Variants in ACAN observed in about 807,000 individuals in gnomAD.
The protein encoded by ACAN is aggrecan.
A neutral mutation model predicts 169.1 loss-of-function variants in ACAN; 47 were observed. The ratio of observed to expected loss-of-function variants is 0.28; its 90% CI spans 0.22 to 0.35. The LOEUF is 0.35. Ranked by LOEUF, ACAN falls within the 10% of genes least tolerant of loss-of-function variation. The pLI, the probability that ACAN is intolerant of heterozygous loss-of-function variation, is 1.00. For synonymous variants in ACAN, 1,115 were observed against 1,112.2 expected, an observed-to-expected ratio of 1.00 and a Z score of -0.05; for missense variants, 2,716 against 2,759.9, an observed-to-expected ratio of 0.98 and a Z score of 0.36.
chr15:88,809,285 G>A (rs1895762260), intron 1 of ACAN, among the ~76,000 whole-genome samples: 1 of 152,150 alleles, frequency 6.6e-6, no homozygotes, highest in Admixed American at 6.5e-5. Context: ...CCTCCAGTGT[G>A]TGTGGTGGGA....
At chr15:88,818,375 G>T (rs1895993393) in intron 1 of ACAN, among the ~76,000 whole-genome samples, 1 of 152,194 alleles carries the variant, frequency 6.6e-6, no homozygotes. Flanking sequence ...GCAATGCAGT[G>T]GTGTGCCATT....
rs749228410 is a variant in ACAN, at chr15:88,871,482, G to A, written c.7161G>A (p.Arg2387=). 6.8e-6 allele frequency: 11 copies of A among 1,613,738 alleles called. No homozygotes were observed. In the East Asian group the frequency reaches 1.1e-4, roughly 16 times the overall value. Residue 2387 remains arginine (R), a synonymous_variant, in exon 15 of 19, where the codon CGG becomes CGA. Transcript: ENST00000560601. The surrounding 1 kb of genome is among the most constrained non-coding windows in gnomAD (Gnocchi z 7.8). ...ETWVDAERRC[R]EQQSHLSSIV... ...GGGTGGATGCTGAGCGCCGGTGTCGGGAGCAGCAGTCACACCTGAGCAGCA... is the reference window on the plus strand; with the variant it reads ...GGGTGGATGCTGAGCGCCGGTGTCGAGAGCAGCAGTCACACCTGAGCAGCA...
rs1038288640 is a variant in ACAN at position 88,861,367 on chromosome 15, A to G, written c.6946+928A>G. 5.9e-5 allele frequency among the ~76,000 whole-genome samples: 9 copies of G among 152,144 alleles called. No homozygotes were observed. Among genetic ancestry groups the G allele is most frequent in the African/African-American group, 1.4e-4 (6 of 41,428 alleles). On this transcript the variant is annotated intron_variant, in intron 13 of 18. Transcript: ENST00000560601. This position sits in a 1 kb window ranked among gnomAD's most constrained non-coding sequence, Gnocchi z 6.3. ...AAAAACGAATCCTGGAGAAAAAACAATCACTTCCACGTAAACCTCATGTCG... is the reference window on the plus strand; with the variant it reads ...AAAAACGAATCCTGGAGAAAAAACAGTCACTTCCACGTAAACCTCATGTCG...
intron 13 of ACAN, among the ~76,000 whole-genome samples, chr15:88,863,085 T>C (rs771294915): frequency 5.3e-5 from 8 of 151,472 alleles, no homozygotes; most frequent in Admixed American, 2.0e-4. Flanking sequence ...ATTCCTGCAG[T>C]AATATTTGAA....
At position 88,855,260 on chromosome 15, in the gene ACAN, G is replaced by A. The variant is rs1897025687; in HGVS notation, c.2675G>A (p.Ser892Asn). 2 of 1,607,940 alleles carry A rather than the reference G, an allele frequency of 1.2e-6. No homozygotes were observed. The highest frequency in any genetic ancestry group is 2.7e-5 in the African/African-American group (2 of 74,798). Residue 892 changes from serine (S) to asparagine (N), a missense_variant, in exon 12 of 19, where the codon AGT (serine) becomes AAT (asparagine). Physicochemically the swap from Ser to Asn is conservative, Grantham distance 46. Around this residue, in one of 3 missense-constraint regions of ACAN, gnomAD observed 1,283 missense variants for 1,281.5 expected, o/e 1.00. Coordinates refer to ENST00000560601, the MANE Select transcript of ACAN (RefSeq NM_001369268.1). ...GGGCAGCTGTCAGGGGACAGGGCAA[G>A]TGGACTGCCCTCTGGAGACCTGGAC... is the stretch of plus-strand genomic sequence containing the variant. ...FSGQLSGDRASGLPSGDLDSS... is the reference protein window; with the variant it reads ...FSGQLSGDRANGLPSGDLDSS...
At position 88,868,102 on chromosome 15, in the gene ACAN, T is replaced by A. The variant is rs1236715631; in HGVS notation, c.6947-114T>A. On this transcript the variant is annotated intron_variant, in intron 13 of 18. Transcript: ENST00000560601. The surrounding 1 kb of genome is among the most constrained non-coding windows in gnomAD (Gnocchi z 5.2). ...ACAGTTCTCAGGAAAACCAGCCAGT[T>A]CCCTCCCAGGGGTCTGGAGAGCAGC... 1.6e-5 allele frequency: 10 copies of A among 620,014 alleles called. No individual in the cohort carries two copies. Among genetic ancestry groups the A allele is most frequent in the Non-Finnish European group, 2.6e-5 (9 of 346,942 alleles). The allele number at this position is 620,014 out of a possible 1,614,324, so 38.4% of individuals were successfully genotyped here.
Position 88,838,790 on chromosome 15 carries a change from C to T in ACAN, c.198C>T (p.Thr66=), listed in dbSNP as rs1448004781. 5.6e-6 allele frequency: 9 copies of T among 1,613,880 alleles called. No individual in the cohort carries two copies. In the Admixed American group the frequency reaches 6.7e-5, roughly 12 times the overall value. ...ACCCTGTGACCACCGCCCCTTCTACCGCCCCACTGGCCCCAAGAATCAAGT... is the reference window on the plus strand; with the variant it reads ...ACCCTGTGACCACCGCCCCTTCTACTGCCCCACTGGCCCCAAGAATCAAGT... ...PMHPVTTAPS[T]APLAPRIKWS... is the part of the protein sequence containing the mutation. The change falls in exon 3 of 19, where the codon ACC becomes ACT. Residue 66 remains threonine (T), a synonymous_variant. Coordinates refer to ENST00000560601, the MANE Select transcript of ACAN (RefSeq NM_001369268.1). The surrounding 1 kb of genome is among the most constrained non-coding windows in gnomAD (Gnocchi z 5.1).
intron 12 of ACAN, among the ~76,000 whole-genome samples, chr15:88,860,072 CTTTTTTT>C (rs57985365): frequency 1.9e-5 from 2 of 102,888 alleles, no homozygotes; most frequent in African/African-American, 4.7e-5. Flanking sequence ...GCTGATTTTC[CTTTTTTT>C]TTTTTTTTTT....
At chr15:88,832,457 A>G (rs975821757) in intron 1 of ACAN, among the ~76,000 whole-genome samples, 32 of 152,050 alleles carry the variant, frequency 2.1e-4, no homozygotes, top group African/African-American at 7.7e-4. Flanking sequence ...CAAAAAATAC[A>G]AAAATTAGCC....
chr15:88,852,371 T>G (rs577053413), intron 11 of ACAN, among the ~76,000 whole-genome samples: 1 of 152,318 alleles, frequency 6.6e-6, no homozygotes, highest in African/African-American at 2.4e-5. Flanking sequence ...ACCCTTACCC[T>G]AACCTCAACC....
In ACAN at chr15:88,841,610, T is replaced by G. The variant is rs79219959; in HGVS notation, c.630-130T>G. The G allele has an allele frequency of 5.7e-3, 6,857 of 1,203,668 alleles. 257 individuals are homozygous for G. The African/African-American group carries it at 0.083, about 15-fold the overall frequency. 74.6% of individuals were successfully genotyped at this position (1,203,668 alleles called of 1,614,324 possible). ...TAAAAACAGATAGGCAGTTGACATA[T>G]TCAGAAGAGACATTGTCAAATGCAA... On this transcript the variant is annotated intron_variant, in intron 4 of 18. Coordinates refer to ENST00000560601, the MANE Select transcript of ACAN (RefSeq NM_001369268.1).
At position 88,838,702 on chromosome 15, in the gene ACAN, C is replaced by T. The variant is rs919876046; in HGVS notation, c.110C>T (p.Ser37Phe). 3 of 1,604,420 alleles carry T rather than the reference C, an allele frequency of 1.9e-6. No homozygotes were observed. In the Admixed American group the frequency reaches 5.0e-5, roughly 27 times the overall value. ...CTGAGTGTCAGCATCCCCCAACCGT[C>T]CCCGCTGAGGGTCCTCCTGGGGACC... ...NSLSVSIPQP[S>F]PLRVLLGTSL... The change falls in exon 3 of 19, where the codon TCC becomes TTC. Residue 37 changes from serine (S) to phenylalanine (F), a missense_variant. Physicochemically the swap from Ser to Phe is radical, Grantham distance 155 (BLOSUM62 -2). Coordinates refer to ENST00000560601, the MANE Select transcript of ACAN (RefSeq NM_001369268.1). This position sits in a 1 kb window ranked among gnomAD's most constrained non-coding sequence, Gnocchi z 5.1.
chr15:88,866,029 C>A lies in ACAN; in HGVS notation c.6947-2187C>A, dbSNP rs979192306. Reference sequence around the variant, plus strand: ...CCGTGAAAAAAAAAATTCTGAGCCCCGGAATTTGTTCCTTCAGTCCCCGCA... The same window carrying A: ...CCGTGAAAAAAAAAATTCTGAGCCCAGGAATTTGTTCCTTCAGTCCCCGCA... On this transcript the variant is annotated intron_variant, in intron 13 of 18. Coordinates refer to ENST00000560601, the MANE Select transcript of ACAN (RefSeq NM_001369268.1). The surrounding 1 kb of genome is among the most constrained non-coding windows in gnomAD (Gnocchi z 5.6). Among the ~76,000 whole-genome samples, 1 of 152,274 alleles carries A rather than the reference C, an allele frequency of 6.6e-6. No homozygotes were observed. Among genetic ancestry groups the A allele is most frequent in the East Asian group, 1.9e-4 (1 of 5,170 alleles).
At chr15:88,832,349 C>T (rs991438763) in intron 1 of ACAN, among the ~76,000 whole-genome samples, 1 of 151,558 alleles carries the variant, frequency 6.6e-6, no homozygotes, top group East Asian at 1.9e-4. Flanking sequence ...ATGGCTCACA[C>T]CTGTAATCCC....
At chr15:88,836,846 G>A (rs1896516141) in intron 2 of ACAN, among the ~76,000 whole-genome samples, 1 of 152,218 alleles carries the variant, frequency 6.6e-6, no homozygotes, top group Non-Finnish European at 1.5e-5. Context: ...CTGACCCCAG[G>A]ATGGGCTTGA....
In ACAN at chr15:88,873,149, G is replaced by A; in HGVS notation, c.7447+124G>A. ...TCTGGCTGCTGGTGTCTCCTCACTT[G>A]TCCAAAAGGCAGACTGGAGCTGACC... is the stretch of plus-strand genomic sequence containing the variant. On this transcript the variant is annotated intron_variant, in intron 17 of 18. Transcript: ENST00000560601. The surrounding 1 kb of genome is among the most constrained non-coding windows in gnomAD (Gnocchi z 7.5). 3 of 1,310,296 alleles carry A rather than the reference G, an allele frequency of 2.3e-6. No homozygotes were observed. The highest frequency in any genetic ancestry group is 3.1e-6 in the Non-Finnish European group (3 of 969,752). The allele number at this position is 1,310,296 out of a possible 1,614,324, so 81.2% of individuals were successfully genotyped here. A position where few individuals can be genotyped will look rare whatever the true frequency, so the allele number is the denominator to read the frequency against.
At chr15:88,840,954 C>G (rs544024275) in intron 4 of ACAN, among the ~76,000 whole-genome samples, 7 of 152,136 alleles carry the variant, frequency 4.6e-5, no homozygotes, top group Non-Finnish European at 7.4e-5. Context: ...ACCATCCTAG[C>G]TAACATGGTG....
intron 8 of ACAN, among the ~76,000 whole-genome samples, chr15:88,847,672 C>T (rs1896828769): frequency 6.6e-6 from 1 of 152,230 alleles, no homozygotes. Flanking sequence ...CAGCCTGACC[C>T]AGTGCCCTTC....
chr15:88,827,911 C>A (rs914365965), intron 1 of ACAN, among the ~76,000 whole-genome samples: 1 of 152,190 alleles, frequency 6.6e-6, no homozygotes, highest in Non-Finnish European at 1.5e-5. Flanking sequence ...TCAGCCACAT[C>A]TGTCTGACTC....
Sources: allele counts gnomAD v4.1 joint callset (sites outside exome capture counted in the v4.1 genomes callset), GRCh38; gene constraint gnomAD v4.1.1; regional missense constraint gnomAD v4.1.1; non-coding constraint Gnocchi (gnomAD v3.1); transcripts MANE v1.5; gene names NCBI Gene and HGNC (gene_info 2026-07-23, HGNC 2026-07-21).